Variants in C6orf62 observed in about 807,000 individuals in gnomAD.
The protein encoded by C6orf62 is chromosome 6 open reading frame 62.
Under a neutral mutation model 26.8 loss-of-function variants are expected in C6orf62, and 16 were observed. The ratio of observed to expected loss-of-function variants is 0.60; its 90% CI spans 0.40 to 0.91. The LOEUF (loss-of-function observed/expected upper bound fraction) is 0.91, where lower values mean the gene tolerates loss of function less well. Among genes scored for constraint, C6orf62 ranks in the 40% least tolerant of loss-of-function variants. C6orf62 has a pLI of 0.00. For missense variants in C6orf62, 192 were observed against 271.4 expected (o/e 0.71, Z 2.06); for synonymous variants, 112 against 91.5 (o/e 1.22, Z -1.28).
chr6:24,713,628 T>C (rs1297529527), intron 3 of C6orf62, among the ~76,000 whole-genome samples: 1 of 152,090 alleles, frequency 6.6e-6, no homozygotes, highest in Non-Finnish European at 1.5e-5. Context: ...ATGCCATAAA[T>C]TATAAAGGAA....
chr6:24,719,778 C>A (rs1779316736), upstream of C6orf62: 2 of 1,545,992 alleles, frequency 1.3e-6, no homozygotes, highest in Non-Finnish European at 1.7e-6. Context: ...TCTCCCAAAT[C>A]CCAGGCGGTG....
In C6orf62 at chr6:24,718,721, C is replaced by A; in HGVS notation, c.-53G>T. 6.3e-7 allele frequency: 1 copy of A among 1,598,964 alleles called. No homozygotes were observed. Among genetic ancestry groups the A allele is most frequent in the Non-Finnish European group, 8.5e-7 (1 of 1,176,694 alleles). ...TTGGAAATTGTCACTAAACTATGGG[C>A]ACTTTTTCTTAAGACTCAAGTACAA... On this transcript the variant is annotated 5_prime_UTR_variant, in exon 1 of 5. Transcript: ENST00000378119.
Position 24,718,901 on chromosome 6 carries a change from T to G in C6orf62, c.-233A>C. On this transcript the variant is annotated 5_prime_UTR_variant, in exon 1 of 5. Coordinates refer to ENST00000378119, the MANE Select transcript of C6orf62 (RefSeq NM_030939.5). ...GTCCAGTCATGTTTGGACAATAACG[T>G]TTGGGGTCAGACGGGAAAAAGGGAG... The G allele has an allele frequency of 1.5e-6, 2 of 1,316,470 alleles. No individual in the cohort carries two copies. Among genetic ancestry groups the G allele is most frequent in the Non-Finnish European group, 1.9e-6 (2 of 1,036,594 alleles). 81.5% of individuals were successfully genotyped at this position (1,316,470 alleles called of 1,614,324 possible). A position where few individuals can be genotyped will look rare whatever the true frequency, so the allele number is the denominator to read the frequency against.
At position 24,708,856 on chromosome 6, in the gene C6orf62, C is replaced by T. The variant is rs369129269; in HGVS notation, c.485G>A (p.Ser162Asn). The T allele has an allele frequency of 6.4e-5, 103 of 1,614,068 alleles. No individual in the cohort carries two copies. Among genetic ancestry groups the T allele is most frequent in the Non-Finnish European group, 8.6e-5 (102 of 1,180,050 alleles). ...DYEKQFLHVL[S>N]RKDKTGIVVN... ...AACGATTCCAGTCTTGTCCTTGCGGCTCAGTACATGCAGAAACTGTTTTTC... is the reference window on the plus strand; with the variant it reads ...AACGATTCCAGTCTTGTCCTTGCGGTTCAGTACATGCAGAAACTGTTTTTC... Residue 162 changes from serine (S) to asparagine (N), a missense_variant, in exon 4 of 5, where the codon AGC becomes AAC. Coordinates refer to ENST00000378119, the MANE Select transcript of C6orf62 (RefSeq NM_030939.5).
chr6:24,719,794 A>C, upstream of C6orf62: 1 of 1,547,324 alleles, frequency 6.5e-7, no homozygotes, highest in Non-Finnish European at 8.7e-7. Flanking sequence ...CGGTGCCCGG[A>C]GACCACCTGC....
rs1343687721 is a variant in C6orf62, at chr6:24,706,888, GAC to G, written c.565-628_565-627del. ...ATATGCCAGTGTACTCCAGCGTGGT[GAC>G]AGAGTTGAGACCTTGTCTCAAAAAA... On this transcript the variant is annotated intron_variant, in intron 4 of 4. Coordinates refer to ENST00000378119, the MANE Select transcript of C6orf62 (RefSeq NM_030939.5). 9 of 152,308 alleles carry G rather than the reference GAC, an allele frequency of 5.9e-5. No homozygotes were observed. In the East Asian group the frequency reaches 1.5e-3, roughly 26 times the overall value. The allele number at this position is 152,308 out of a possible 1,614,324, so 9.4% of individuals were successfully genotyped here. A position where few individuals can be genotyped will look rare whatever the true frequency, so the allele number is the denominator to read the frequency against.
At chr6:24,706,709 C>CA (rs1779017417) in intron 4 of C6orf62, 1 of 159,410 alleles carries the variant, frequency 6.3e-6, no homozygotes, top group African/African-American at 2.4e-5. Context: ...CCCAAGAGTT[C>CA]AAGACCATTC....
chr6:24,720,182 C>T (rs1257481060), upstream of C6orf62: 1 of 1,362,492 alleles, frequency 7.3e-7, no homozygotes, highest in Non-Finnish European at 9.4e-7. Flanking sequence ...CGGGGAAATC[C>T]CCTCCCTGTC....
chr6:24,710,118 G>T (rs1779090523), intron 3 of C6orf62: 11 of 984,678 alleles, frequency 1.1e-5, no homozygotes, highest in Non-Finnish European at 1.2e-5. Context: ...TCAAAAGCAT[G>T]CTATTAGCTA....
At chr6:24,719,813 C>A (rs766159077), upstream of C6orf62, 18 of 1,546,898 alleles carry the variant, frequency 1.2e-5, no homozygotes, top group South Asian at 2.1e-4. Context: ...GCCTTCCACC[C>A]CCGCAGGTCC....
At chr6:24,709,772 T>C in intron 3 of C6orf62, 2 of 985,418 alleles carry the variant, frequency 2.0e-6, no homozygotes, top group Non-Finnish European at 2.4e-6. Context: ...TTGGGCATGG[T>C]GAGACACCAA....
upstream of C6orf62, chr6:24,720,227 G>A (rs1053207613): frequency 2.0e-5 from 27 of 1,324,004 alleles, no homozygotes; most frequent in African/African-American, 4.6e-5. Context: ...CCGACTCTAG[G>A]GCGGGGTTTG....
chr6:24,707,100 A>G (rs1779024855), intron 4 of C6orf62: 1 of 152,242 alleles, frequency 6.6e-6, no homozygotes, highest in South Asian at 2.1e-4. Context: ...CTGACTTTGA[A>G]GATGTCTGAA....
chr6:24,719,636 C>G, upstream of C6orf62: 1 of 1,435,942 alleles, frequency 7.0e-7, no homozygotes, highest in Non-Finnish European at 9.1e-7. Flanking sequence ...CCCGGGTTCC[C>G]AACACCCCCA....
intron 3 of C6orf62, chr6:24,710,648 T>C (rs1256854676): frequency 1.0e-6 from 1 of 983,528 alleles, no homozygotes; most frequent in Non-Finnish European, 1.2e-6. Context: ...TGATTTTGGA[T>C]TGCGCCTTTA....
intron 1 of C6orf62, 91 bp from the exon 2 acceptor site, chr6:24,716,415 A>T (rs1222196576): frequency 2.2e-6 from 2 of 892,694 alleles, no homozygotes; most frequent in Non-Finnish European, 3.5e-6. Context: ...CATTAACTCC[A>T]CAAAATTCTT....
upstream of C6orf62, chr6:24,719,367 G>A (rs933546384): frequency 5.0e-6 from 5 of 1,004,932 alleles, no homozygotes; most frequent in Non-Finnish European, 4.8e-6. Context: ...AGAGAAAAGT[G>A]CAAAATCGGT....
At chr6:24,719,941 G>A (rs769770530), upstream of C6orf62, 15 of 1,550,308 alleles carry the variant, frequency 9.7e-6, no homozygotes, top group South Asian at 1.5e-4. Context: ...GGAGTGGGCG[G>A]GAGAGGGTAA....
At chr6:24,716,793 G>T (rs1241110751) in intron 1 of C6orf62, among the ~76,000 whole-genome samples, 1 of 151,858 alleles carries the variant, frequency 6.6e-6, no homozygotes, top group Non-Finnish European at 1.5e-5. Flanking sequence ...CACCATCTTG[G>T]CTCACTTGCA....
Sources: gnomAD v4.1 joint callset for allele counts (sites outside exome capture counted in the v4.1 genomes callset) on GRCh38, gnomAD v4.1.1 for gene constraint, MANE v1.5 for transcripts, NCBI Gene and HGNC (gene_info 2026-07-23, HGNC 2026-07-21) for gene names.